Variants in SLC7A4 observed in about 807,000 individuals in gnomAD.
SLC7A4 encodes the protein cationic amino acid transporter 4.
In SLC7A4, 30 loss-of-function variants were observed where a neutral mutation model predicts 37.8. The ratio of observed to expected loss-of-function variants is 0.79; its 90% CI spans 0.59 to 1.08. The LOEUF (loss-of-function observed/expected upper bound fraction) is 1.08, where lower values mean the gene tolerates loss of function less well. Ranked by LOEUF, SLC7A4 falls within the 50% of genes least tolerant of loss-of-function variation. SLC7A4 has a pLI of 0.00. For synonymous variants in SLC7A4, 359 were observed against 376.5 expected (o/e 0.95, Z 0.54); for missense variants, 839 against 843.2 (o/e 1.00, Z 0.06).
rs370470814 is a variant in SLC7A4, at chr22:21,031,419, C to T, written c.394G>A (p.Ala132Thr). The part of the protein sequence containing the change: ...VLLEYIIGGA[A>T]VARAWSGYLD... ...TAGCCACTCCAGGCACGGGCCACGGCGGCGCCACCGATGATGTATTCGAGG... is the reference window on the plus strand; with the variant it reads ...TAGCCACTCCAGGCACGGGCCACGGTGGCGCCACCGATGATGTATTCGAGG... The change falls in exon 2 of 5, where the codon GCC becomes ACC. Residue 132 changes from alanine (A) to threonine (T), a missense_variant. Physicochemically the swap from Ala to Thr is moderately conservative, Grantham distance 58. Coordinates refer to ENST00000382932, the MANE Select transcript of SLC7A4 (RefSeq NM_004173.3). The T allele has an allele frequency of 5.3e-4, 847 of 1,601,710 alleles. 7 individuals carry two copies. In the South Asian group the frequency reaches 8.7e-3, roughly 17 times the overall value.
In SLC7A4 at chr22:21,029,776, T is replaced by C. The variant is rs2148114421; in HGVS notation, c.1558A>G (p.Met520Val). ...AGGACAAGGAGGCTGAGCAGAAACATGACACTGGTGAGCAGGAGCAGCAGG... is the reference window on the plus strand; with the variant it reads ...AGGACAAGGAGGCTGAGCAGAAACACGACACTGGTGAGCAGGAGCAGCAGG... ...YILLLLLTSV[M>V]FLLSLLVLGA... Residue 520 changes from methionine (M) to valine (V), a missense_variant, in exon 3 of 5, where the codon ATG (methionine) becomes GTG (valine). By Grantham distance (21) the Met-to-Val change is conservative (BLOSUM62 1). Coordinates refer to ENST00000382932, the MANE Select transcript of SLC7A4 (RefSeq NM_004173.3). The C allele has an allele frequency of 6.2e-7, 1 of 1,613,374 alleles. No individual in the cohort carries two copies. Among genetic ancestry groups the C allele is most frequent in the African/African-American group, 1.3e-5 (1 of 75,022 alleles).
Position 21,029,301 on chromosome 22 carries a change from C to T in SLC7A4, c.1732+35G>A, listed in dbSNP as rs1928794446. ...AGCCCTTCCTGTCCTCTTTGCCCTC[C>T]TCCTGACCCCGGTCCCAGCCTGGCC... On this transcript the variant is annotated intron_variant, in intron 4 of 4. Transcript: ENST00000382932. 1.9e-6 allele frequency: 3 copies of T among 1,612,080 alleles called. No homozygotes were observed. The East Asian group carries it at 6.7e-5, about 36-fold the overall frequency.
Position 21,031,411 on chromosome 22 carries a change from G to T in SLC7A4, c.402C>A (p.Ala134=). The change falls in exon 2 of 5, where the codon GCC becomes GCA. Residue 134 remains alanine (A), a synonymous_variant. Coordinates refer to ENST00000382932, the MANE Select transcript of SLC7A4 (RefSeq NM_004173.3). ...AGTCCAGGTAGCCACTCCAGGCACG[G>T]GCCACGGCGGCGCCACCGATGATGT... ...LEYIIGGAAV[A]RAWSGYLDSM... 6.2e-7 allele frequency: 1 copy of T among 1,604,076 alleles called. No individual in the cohort carries two copies.
chr22:21,030,055 T>C lies in SLC7A4; in HGVS notation c.1279A>G (p.Ser427Gly), dbSNP rs375552497. 5.0e-6 allele frequency: 8 copies of C among 1,610,980 alleles called. No individual in the cohort carries two copies. The highest frequency in any genetic ancestry group is 6.8e-6 in the Non-Finnish European group (8 of 1,179,316). The change falls in exon 3 of 5, where the codon AGC (serine) becomes GGC (glycine). Residue 427 changes from serine to glycine, a missense_variant. Ser to Gly is a moderately conservative substitution (Grantham distance 56, BLOSUM62 0). Coordinates refer to ENST00000382932, the MANE Select transcript of SLC7A4 (RefSeq NM_004173.3). ...TGCTGCTTGGTCAGGGGGCCAGGGCTGGCTGGGCCTGGGGAGCTGGGCGGG... is the reference window on the plus strand; with the variant it reads ...TGCTGCTTGGTCAGGGGGCCAGGGCCGGCTGGGCCTGGGGAGCTGGGCGGG... ...SSPPSSPGPA[S>G]PGPLTKQQSS...
Position 21,031,858 on chromosome 22 carries a change from A to G in SLC7A4, c.-40-6T>C. On this transcript the variant is annotated splice_polypyrimidine_tract_variant and splice_region_variant and intron_variant, in intron 1 of 4. Transcript: ENST00000382932. ...ACCGAGCCAGCTACTGGAACCTGCT[A>G]GGGCCAGAGGGGAATGACAGGATGC... 6.9e-7 allele frequency: 1 copy of G among 1,450,020 alleles called. No individual in the cohort carries two copies. Among genetic ancestry groups the G allele is most frequent in the Non-Finnish European group, 9.0e-7 (1 of 1,106,556 alleles). 89.8% of individuals were successfully genotyped at this position (1,450,020 alleles called of 1,614,324 possible).
In SLC7A4 at chr22:21,029,892, G is replaced by A. The variant is rs774611835; in HGVS notation, c.1442C>T (p.Ala481Val). 2.5e-6 allele frequency: 4 copies of A among 1,613,754 alleles called. No homozygotes were observed. Among genetic ancestry groups the A allele is most frequent in the African/African-American group, 1.3e-5 (1 of 75,020 alleles). The change falls in exon 3 of 5, where the codon GCG (alanine) becomes GTG (valine). Residue 481 changes from alanine (A) to valine (V), a missense_variant. By Grantham distance (64) the Ala-to-Val change is moderately conservative (BLOSUM62 0). Coordinates refer to ENST00000382932, the MANE Select transcript of SLC7A4 (RefSeq NM_004173.3). The stretch of plus-strand genomic sequence containing the variant: ...GGCTGAGGCCAACATAACGCCAAGC[G>A]CCCAAGTCACCACTGCTCCAGGGCT... ...GYSPGAVVTW[A>V]LGVMLASAIT...
chr22:21,031,744 C>T lies in SLC7A4; in HGVS notation c.69G>A (p.Pro23=), dbSNP rs767953317. 329 of 1,587,418 alleles carry T rather than the reference C, an allele frequency of 2.1e-4. 1 individual carries two copies. The highest frequency in any genetic ancestry group is 9.0e-5 in the Non-Finnish European group (105 of 1,167,424). Residue 23 remains proline (P), a synonymous_variant, in exon 2 of 5, where the codon CCG becomes CCA. Transcript: ENST00000382932. ...ACGTCTCCATGGTGGAGTCCTCCAG[C>T]GGCTTCAGGCGGTTCAGCTTCTGGC... ...RLCQKLNRLK[P]LEDSTMETSL... is the part of the protein sequence containing the mutation.
Position 21,029,889 on chromosome 22 carries a change from A to G in SLC7A4, c.1445T>C (p.Leu482Pro), listed in dbSNP as rs1469634862. 1.2e-6 allele frequency: 2 copies of G among 1,613,868 alleles called. No homozygotes were observed. Among genetic ancestry groups the G allele is most frequent in the African/African-American group, 1.3e-5 (1 of 75,052 alleles). ...GATGGCTGAGGCCAACATAACGCCA[A>G]GCGCCCAAGTCACCACTGCTCCAGG... is the stretch of plus-strand genomic sequence containing the variant. ...YSPGAVVTWALGVMLASAITI... is the reference protein window; with the variant it reads ...YSPGAVVTWAPGVMLASAITI... Residue 482 changes from leucine to proline, a missense_variant, in exon 3 of 5, where the codon CTT (leucine) becomes CCT (proline). By Grantham distance (98) the Leu-to-Pro change is moderately conservative. Coordinates refer to ENST00000382932, the MANE Select transcript of SLC7A4 (RefSeq NM_004173.3).
At position 21,031,627 on chromosome 22, in the gene SLC7A4, C is replaced by T. The variant is rs915109875; in HGVS notation, c.186G>A (p.Val62=). The T allele has an allele frequency of 6.2e-7, 1 of 1,609,326 alleles. No individual in the cohort carries two copies. The highest frequency in any genetic ancestry group is 8.5e-7 in the Non-Finnish European group (1 of 1,177,888). Residue 62 remains valine (V), a synonymous_variant, in exon 2 of 5, where the codon GTG becomes GTA. Transcript: ENST00000382932. The part of the protein sequence containing the change: ...GSGLYVLTGA[V]AKEVAGPAVL... The stretch of plus-strand genomic sequence containing the variant: ...CAGCAGGGCCAGCCACCTCCTTGGC[C>T]ACGGCACCTGTGAGCACGTAGAGAC...
rs752624318 is a variant in SLC7A4, at chr22:21,031,163, G to GCCAGGATGAAGC, written c.638_649dup (p.Gly213_Leu216dup). Reference sequence around the variant, plus strand: ...GTCAGCGCTCCAGTTGTGAGGCTGGGCCAGGATGAAGCCCAGGATGACAAT... The same window carrying GCCAGGATGAAGC: ...GTCAGCGCTCCAGTTGTGAGGCTGGGCCAGGATGAAGCCCAGGATGAAGCCCAGGATGACAAT... On this transcript the variant is annotated inframe_insertion, in exon 2 of 5. Coordinates refer to ENST00000382932, the MANE Select transcript of SLC7A4 (RefSeq NM_004173.3). 6.2e-7 allele frequency: 1 copy of GCCAGGATGAAGC among 1,613,800 alleles called. No individual in the cohort carries two copies. The highest frequency in any genetic ancestry group is 1.1e-5 in the South Asian group (1 of 91,056).
In SLC7A4 at chr22:21,031,176, C is replaced by A. The variant is rs374315882; in HGVS notation, c.637G>T (p.Gly213Cys). 23 of 1,613,688 alleles carry A rather than the reference C, an allele frequency of 1.4e-5. No homozygotes were observed. The highest frequency in any genetic ancestry group is 1.7e-6 in the Non-Finnish European group (2 of 1,179,918). ...TTGTGAGGCTGGGCCAGGATGAAGC[C>A]CAGGATGACAATGAAGAGAATGACA... ...LLVILFIVILGFILAQPHNWS... is the reference protein window; with the variant it reads ...LLVILFIVILCFILAQPHNWS... The change falls in exon 2 of 5, where the codon GGC becomes TGC. Residue 213 changes from glycine (G) to cysteine (C), a missense_variant. Physicochemically the swap from Gly to Cys is radical, Grantham distance 159 (BLOSUM62 -3). Coordinates refer to ENST00000382932, the MANE Select transcript of SLC7A4 (RefSeq NM_004173.3).
In SLC7A4 at chr22:21,029,873, G is replaced by A. The variant is rs1928821619; in HGVS notation, c.1461C>T (p.Ala487=). 6.2e-7 allele frequency: 1 copy of A among 1,613,736 alleles called. No individual in the cohort carries two copies. Among genetic ancestry groups the A allele is most frequent in the African/African-American group, 1.3e-5 (1 of 74,926 alleles). ...VVTWALGVML[A]SAITIGCVLV... ...GCACGCAGCCTATGGTGATGGCTGA[G>A]GCCAACATAACGCCAAGCGCCCAAG... is the stretch of plus-strand genomic sequence containing the variant. The change falls in exon 3 of 5, where the codon GCC becomes GCT. Residue 487 remains alanine (A), a synonymous_variant. Transcript: ENST00000382932.
chr22:21,031,529 C>T lies in SLC7A4; in HGVS notation c.284G>A (p.Arg95His), dbSNP rs370464383. ...GTAGGCAGAGCCCGTGCGTGGCACA[C>T]GTGCCCCAAATTCTGCATAGCATAG... is the stretch of plus-strand genomic sequence containing the variant. ...AALCYAEFGARVPRTGSAYLF... is the reference protein window; with the variant it reads ...AALCYAEFGAHVPRTGSAYLF... Residue 95 changes from arginine to histidine, a missense_variant, in exon 2 of 5, where the codon CGT (arginine) becomes CAT (histidine). By Grantham distance (29) the Arg-to-His change is conservative. Coordinates refer to ENST00000382932, the MANE Select transcript of SLC7A4 (RefSeq NM_004173.3). 1.3e-5 allele frequency: 21 copies of T among 1,610,294 alleles called. No individual in the cohort carries two copies. Among genetic ancestry groups the T allele is most frequent in the South Asian group, 4.4e-5 (4 of 90,784 alleles).
intron 3 of SLC7A4, 124 bp from the exon 4 acceptor site, chr22:21,029,568 T>C: frequency 8.9e-7 from 1 of 1,129,190 alleles, no homozygotes; most frequent in Non-Finnish European, 1.3e-6. Context: ...AGACATGTGC[T>C]CACTCACCAT....
In SLC7A4 at chr22:21,029,865, A is replaced by T. The variant is rs145667640; in HGVS notation, c.1469T>A (p.Ile490Asn). ...WALGVMLASAITIGCVLVFGN... is the reference protein window; with the variant it reads ...WALGVMLASANTIGCVLVFGN... ...AAAGACAAGCACGCAGCCTATGGTG[A>T]TGGCTGAGGCCAACATAACGCCAAG... The change falls in exon 3 of 5, where the codon ATC becomes AAC. Residue 490 changes from isoleucine (I) to asparagine (N), a missense_variant. By Grantham distance (149) the Ile-to-Asn change is moderately radical. Transcript: ENST00000382932. The T allele has an allele frequency of 1.2e-5, 20 of 1,613,818 alleles. No homozygotes were observed. In the African/African-American group the frequency reaches 2.5e-4, roughly 20 times the overall value.
chr22:21,031,009 C>T lies in SLC7A4; in HGVS notation c.804G>A (p.Val268=), dbSNP rs758006132. The change falls in exon 2 of 5, where the codon GTG becomes GTA. Residue 268 remains valine, a synonymous_variant. Transcript: ENST00000382932. ...CAAGCGAGATGGCGATGGCCAGAGG[C>T]ACAGACCGCCGTGGGTTCTGGGCCT... is the stretch of plus-strand genomic sequence containing the variant. ...SEEAQNPRRS[V]PLAIAISLAI... is the part of the protein sequence containing the mutation. The T allele has an allele frequency of 1.5e-5, 24 of 1,613,976 alleles. No homozygotes were observed. Among genetic ancestry groups the T allele is most frequent in the Non-Finnish European group, 1.8e-5 (21 of 1,179,992 alleles).
At chr22:21,032,106 G>A (rs529133082) in intron 1 of SLC7A4, among the ~76,000 whole-genome samples, 8 of 140,694 alleles carry the variant, frequency 5.7e-5, no homozygotes, top group Non-Finnish European at 1.2e-4. Flanking sequence ...CTGCTCACCC[G>A]CTCGGTGGCC....
rs765201578 is a variant in SLC7A4 at position 21,030,022 on chromosome 22, A to G, written c.1312T>C (p.Phe438Leu). ...CCCACCAGCTGTAGGTGGTCTGAGAAGGAGCTCTGCTGCTTGGTCAGGGGG... is the reference window on the plus strand; with the variant it reads ...CCCACCAGCTGTAGGTGGTCTGAGAGGGAGCTCTGCTGCTTGGTCAGGGGG... ...PGPLTKQQSS[F>L]SDHLQLVGTV... The change falls in exon 3 of 5, where the codon TTC (phenylalanine) becomes CTC (leucine). Residue 438 changes from phenylalanine to leucine, a missense_variant. Transcript: ENST00000382932. The G allele has an allele frequency of 2.5e-6, 4 of 1,613,598 alleles. No individual in the cohort carries two copies. The East Asian group carries it at 8.9e-5, about 36-fold the overall frequency.
rs1217785915 is a variant in SLC7A4, at chr22:21,030,252, T to C, written c.1082A>G (p.His361Arg). The change falls in exon 3 of 5, where the codon CAC becomes CGC. Residue 361 changes from histidine to arginine, a missense_variant. By Grantham distance (29) the His-to-Arg change is conservative. Coordinates refer to ENST00000382932, the MANE Select transcript of SLC7A4 (RefSeq NM_004173.3). ...CGCCACAGGCACCTGTGTCCGGGGG[T>C]GCACATGGGCAAACACCTGGAAGAA... ...GLFFQVFAHV[H>R]PRTQVPVAGT... is the part of the protein sequence containing the mutation. 1 of 1,613,624 alleles carries C rather than the reference T, an allele frequency of 6.2e-7. No individual in the cohort carries two copies.
Sources: allele counts gnomAD v4.1 joint callset (sites outside exome capture counted in the v4.1 genomes callset), GRCh38; gene constraint gnomAD v4.1.1; transcripts MANE v1.5; gene names NCBI Gene and HGNC (gene_info 2026-07-23, HGNC 2026-07-21).